Variants in FAM168B observed in about 807,000 individuals in gnomAD.
The protein encoded by FAM168B is myelin-associated neurite-outgrowth inhibitor.
A neutral mutation model predicts 21.8 loss-of-function variants in FAM168B; 19 were observed. The observed-to-expected ratio is 0.87, with a 90% CI of 0.61 to 1.28. The LOEUF is 1.28. FAM168B is among the 50% of genes most tolerant of loss of function. The pLI is 0.00. For missense variants in FAM168B, 233 were observed against 263.1 expected (o/e 0.89, Z 0.79); for synonymous variants, 126 against 104.8 (o/e 1.20, Z -1.24).
chr2:131,054,143 A>G (rs559897620), intron 5 of FAM168B, among the ~76,000 whole-genome samples: 2 of 151,952 alleles, frequency 1.3e-5, no homozygotes, highest in East Asian at 3.9e-4. Context: ...TAGGAGGCAG[A>G]GGTTGCAGTA....
At chr2:131,055,039 G>C (rs1299008439) in intron 5 of FAM168B, among the ~76,000 whole-genome samples, 1 of 152,126 alleles carries the variant, frequency 6.6e-6, no homozygotes, top group Non-Finnish European at 1.5e-5. Context: ...TTGCCAAATG[G>C]CTCAGTTCAC....
chr2:131,092,227 G>A (rs1471261034), intron 1 of FAM168B, among the ~76,000 whole-genome samples: 1 of 151,776 alleles, frequency 6.6e-6, no homozygotes, highest in Admixed American at 6.6e-5. Context: ...TTAAACTACG[G>A]AACTCCACCA....
chr2:131,076,647 C>T (rs1236739913), intron 2 of FAM168B, among the ~76,000 whole-genome samples: 3 of 140,294 alleles, frequency 2.1e-5, no homozygotes, highest in East Asian at 2.0e-4. Flanking sequence ...AGCAAGACTC[C>T]GTCTTAAAAA....
intron 3 of FAM168B, among the ~76,000 whole-genome samples, chr2:131,058,564 G>A (rs1048306046): frequency 3.9e-5 from 6 of 152,180 alleles, no homozygotes; most frequent in Non-Finnish European, 8.8e-5. Flanking sequence ...AGGGCTCCCT[G>A]TATTTTGAAA....
At position 131,049,477 on chromosome 2, in the gene FAM168B, C is replaced by A. The variant is rs1691515930; in HGVS notation, c.*2988G>T. ...TCTGGAAGTGCCTTCAGGCCCATTA[C>A]CATGACTGGCCCTGACTCTGGCCCT... is the stretch of plus-strand genomic sequence containing the variant. On this transcript the variant is annotated 3_prime_UTR_variant, in exon 7 of 7. Transcript: ENST00000389915. 2 of 985,422 alleles carry A rather than the reference C, an allele frequency of 2.0e-6. No individual in the cohort carries two copies. The highest frequency in any genetic ancestry group is 2.4e-6 in the Non-Finnish European group (2 of 829,940). 61.0% of individuals were successfully genotyped at this position (985,422 alleles called of 1,614,324 possible). A position where few individuals can be genotyped will look rare whatever the true frequency, so the allele number is the denominator to read the frequency against.
chr2:131,064,834 C>T (rs1401150296), intron 3 of FAM168B, among the ~76,000 whole-genome samples: 1 of 152,136 alleles, frequency 6.6e-6, no homozygotes, highest in Non-Finnish European at 1.5e-5. Context: ...TCAGAGATCA[C>T]CAGGAAAACA....
intron 3 of FAM168B, among the ~76,000 whole-genome samples, chr2:131,061,140 C>T (rs1418442917): frequency 8.3e-5 from 12 of 144,996 alleles, no homozygotes; most frequent in Non-Finnish European, 1.8e-4. Context: ...CGTGAGCCAC[C>T]GCGCCTGGCC....
intron 3 of FAM168B, among the ~76,000 whole-genome samples, chr2:131,066,422 G>A (rs1465412049): frequency 3.3e-5 from 5 of 152,090 alleles, no homozygotes; most frequent in African/African-American, 2.4e-5. Flanking sequence ...TGATCCGTCC[G>A]CCTCGGCCTC....
At chr2:131,087,336 T>C (rs1693761414) in intron 1 of FAM168B, among the ~76,000 whole-genome samples, 1 of 151,620 alleles carries the variant, frequency 6.6e-6, no homozygotes, top group African/African-American at 2.4e-5. Flanking sequence ...GCCAGGTGTG[T>C]TGGCAGGCAC....
intron 1 of FAM168B, among the ~76,000 whole-genome samples, chr2:131,085,947 A>T (rs1195740834): frequency 6.6e-6 from 1 of 152,212 alleles, no homozygotes; most frequent in East Asian, 1.9e-4. Context: ...ATTTAACTTC[A>T]ACATAAGTAG....
chr2:131,062,174 C>T (rs1311864017), intron 3 of FAM168B, among the ~76,000 whole-genome samples: 1 of 152,146 alleles, frequency 6.6e-6, no homozygotes, highest in Non-Finnish European at 1.5e-5. Flanking sequence ...TGCAAGCTGC[C>T]AACCCAAACA....
chr2:131,063,386 T>G lies in FAM168B; in HGVS notation c.155-7691A>C, dbSNP rs183860100. Among the ~76,000 whole-genome samples the G allele has an allele frequency of 1.2e-4, 18 of 152,356 alleles. No homozygotes were observed. The East Asian group carries it at 3.1e-3, about 26-fold the overall frequency. The stretch of plus-strand genomic sequence containing the variant: ...CGTTCTAATGCTCACCAGAAAACTT[T>G]TGGTCTTTGGTTTAGGCATGAATAT... On this transcript the variant is annotated intron_variant, in intron 3 of 6. Transcript: ENST00000389915.
intron 3 of FAM168B, among the ~76,000 whole-genome samples, chr2:131,069,499 G>GTT (rs1156658951): frequency 1.4e-5 from 2 of 146,214 alleles, no homozygotes; most frequent in Non-Finnish European, 1.5e-5. Flanking sequence ...TTTCTCTTTT[G>GTT]TTTTTTTTTT....
Position 131,055,675 on chromosome 2 carries a change from A to G in FAM168B, c.175T>C (p.Tyr59His). The G allele has an allele frequency of 6.2e-7, 1 of 1,613,868 alleles. No homozygotes were observed. The highest frequency in any genetic ancestry group is 1.3e-5 in the African/African-American group (1 of 75,030). ...FQTGYTPGTP[Y>H]KVSCSPTSGA... ...CTGGTGGGGGAACAGGACACTTTGTAAGGTGTGCCAGGAGTGTAACCTGGA... is the reference window on the plus strand; with the variant it reads ...CTGGTGGGGGAACAGGACACTTTGTGAGGTGTGCCAGGAGTGTAACCTGGA... Residue 59 changes from tyrosine (Y) to histidine (H), a missense_variant, in exon 4 of 7, where the codon TAC (tyrosine) becomes CAC (histidine). Tyr to His is a moderately conservative substitution (Grantham distance 83). Coordinates refer to ENST00000389915, the MANE Select transcript of FAM168B (RefSeq NM_001009993.4).
At chr2:131,086,055 A>G (rs949902725) in intron 1 of FAM168B, among the ~76,000 whole-genome samples, 3 of 152,124 alleles carry the variant, frequency 2.0e-5, no homozygotes, top group Admixed American at 1.3e-4. Flanking sequence ...TAGGCAGGAG[A>G]ATCAATTGTG....
chr2:131,059,619 C>CTG (rs1692193942), intron 3 of FAM168B, among the ~76,000 whole-genome samples: 1 of 152,174 alleles, frequency 6.6e-6, no homozygotes, highest in Non-Finnish European at 1.5e-5. Flanking sequence ...GAGCTACCCT[C>CTG]TGTGTGTCAC....
At chr2:131,074,726 A>G (rs1210082931) in intron 2 of FAM168B, among the ~76,000 whole-genome samples, 1 of 152,108 alleles carries the variant, frequency 6.6e-6, no homozygotes, top group Non-Finnish European at 1.5e-5. Context: ...AGGTAAAAAC[A>G]GGGGGGATCT....
chr2:131,063,067 A>G (rs1692385144), intron 3 of FAM168B, among the ~76,000 whole-genome samples: 1 of 152,250 alleles, frequency 6.6e-6, no homozygotes, highest in African/African-American at 2.4e-5. Flanking sequence ...GTTACTTGTA[A>G]AAGTTGACGT....
At chr2:131,087,478 T>G (rs1693772133) in intron 1 of FAM168B, among the ~76,000 whole-genome samples, 1 of 151,736 alleles carries the variant, frequency 6.6e-6, no homozygotes, top group Non-Finnish European at 1.5e-5. Flanking sequence ...TCTCAAAAAA[T>G]AGTAATAATA....
Sources: gnomAD v4.1 joint callset for allele counts (sites outside exome capture counted in the v4.1 genomes callset) on GRCh38, gnomAD v4.1.1 for gene constraint, MANE v1.5 for transcripts, NCBI Gene and HGNC (gene_info 2026-07-23, HGNC 2026-07-21) for gene names.